The following KIAA1586 variants were observed in gnomAD, a reference collection of about 807,000 sequenced individuals.
KIAA1586 encodes the protein KIAA1586, also known as E3 SUMO-protein ligase KIAA1586.
KIAA1586 carries 5 observed loss-of-function variants against 6.1 expected under a neutral mutation model. The observed-to-expected ratio is 0.82, with a 90% CI of 0.43 to 1.73. KIAA1586 has a LOEUF of 1.73. Among genes scored for constraint, KIAA1586 ranks in the 40% most tolerant of loss-of-function variants. KIAA1586 has a pLI of 0.02. For synonymous variants in KIAA1586, 280 were observed against 301.7 expected (o/e 0.93, Z 0.75); for missense variants, 899 against 878.2 (o/e 1.02, Z -0.30).
In KIAA1586 at chr6:57,053,410, T is replaced by G. The variant is rs1562570930; in HGVS notation, c.911T>G (p.Phe304Cys). 1.2e-6 allele frequency: 2 copies of G among 1,608,394 alleles called. No individual in the cohort carries two copies. Among genetic ancestry groups the G allele is most frequent in the Non-Finnish European group, 1.7e-6 (2 of 1,177,406 alleles). ...HIAKEMKMKI[F>C]KNIIEENAKI... ...GCAAAAGAAATGAAGATGAAGATAT[T>G]TAAGAATATTATAGAAGAGAATGCC... Residue 304 changes from phenylalanine to cysteine, a missense_variant, in exon 4 of 4, where the codon TTT (phenylalanine) becomes TGT (cysteine). Coordinates refer to ENST00000370733, the MANE Select transcript of KIAA1586 (RefSeq NM_020931.4).
chr6:57,056,603 A>C (rs1828502426), downstream of KIAA1586, among the ~76,000 whole-genome samples: 1 of 149,072 alleles, frequency 6.7e-6, no homozygotes, highest in Admixed American at 6.7e-5. Flanking sequence ...GCTGGACTGC[A>C]GTGGCTCACT....
At chr6:57,049,614 A>G (rs1828270804) in intron 2 of KIAA1586, among the ~76,000 whole-genome samples, 1 of 152,210 alleles carries the variant, frequency 6.6e-6, no homozygotes, top group Non-Finnish European at 1.5e-5. Flanking sequence ...ATTGAAATAT[A>G]GTACCTATAC....
rs769016918 is a variant in KIAA1586, at chr6:57,054,278, TAAAA to T, written c.1781_1784del (p.Lys594ThrfsTer13). On this transcript the variant is annotated frameshift_variant, in exon 4 of 4. Coordinates refer to ENST00000370733, the MANE Select transcript of KIAA1586 (RefSeq NM_020931.4). LOFTEE classifies it low-confidence loss of function (END_TRUNC). ...ATAAGTTTAAAGATATTCCATTTAA[TAAAA>T]ACAATAAATTTAATGCTCTTCCTAG... 2 of 1,580,632 alleles carry T rather than the reference TAAAA, an allele frequency of 1.3e-6. No homozygotes were observed. The highest frequency in any genetic ancestry group is 2.7e-5 in the African/African-American group (2 of 72,774).
chr6:57,058,687 C>A (rs867398116), downstream of KIAA1586, among the ~76,000 whole-genome samples: 54 of 152,190 alleles, frequency 3.5e-4, no homozygotes, highest in Non-Finnish European at 2.6e-4. Flanking sequence ...ATCAAAACTT[C>A]TAAAAATAAA....
intron 2 of KIAA1586, among the ~76,000 whole-genome samples, chr6:57,047,787 T>C (rs954334244): frequency 6.5e-5 from 4 of 61,666 alleles, no homozygotes; most frequent in Non-Finnish European, 1.3e-4. Flanking sequence ...CTTAGCGTTA[T>C]GGTGCTTCTA....
Position 57,054,791 on chromosome 6 carries a change from A to G in KIAA1586, c.2292A>G (p.Thr764=). 1 of 1,551,382 alleles carries G rather than the reference A, an allele frequency of 6.4e-7. No individual in the cohort carries two copies. Among genetic ancestry groups the G allele is most frequent in the Admixed American group, 2.0e-5 (1 of 50,996 alleles). Reference sequence around the variant, plus strand: ...CAAATTGCAACCACAGGTTGGCTACAGATACAAGAGTTCGGCAAAAGTCAA... The same window carrying G: ...CAAATTGCAACCACAGGTTGGCTACGGATACAAGAGTTCGGCAAAAGTCAA... ...SWSNCNHRLA[T]DTRVRQKSTK... The change falls in exon 4 of 4, where the codon ACA becomes ACG. Residue 764 remains threonine, a synonymous_variant. Transcript: ENST00000370733.
intron 3 of KIAA1586, among the ~76,000 whole-genome samples, chr6:57,051,683 C>T (rs1828328716): frequency 6.6e-6 from 1 of 152,100 alleles, no homozygotes; most frequent in South Asian, 2.1e-4. Context: ...CCTGTAATCC[C>T]AGCACTTTGG....
chr6:57,048,379 C>T (rs182438166), intron 2 of KIAA1586, among the ~76,000 whole-genome samples: 1 of 152,256 alleles, frequency 6.6e-6, no homozygotes, highest in East Asian at 1.9e-4. Flanking sequence ...AAAATTTCCT[C>T]CCTAAACATT....
At chr6:57,055,577 G>A (rs1049922365), downstream of KIAA1586, among the ~76,000 whole-genome samples, 3 of 152,054 alleles carry the variant, frequency 2.0e-5, no homozygotes, top group African/African-American at 7.2e-5. Context: ...GTAACATCAT[G>A]TTTATCTGAA....
chr6:57,050,000 CT>C (rs998221855), intron 2 of KIAA1586, among the ~76,000 whole-genome samples: 10 of 147,412 alleles, frequency 6.8e-5, no homozygotes, highest in African/African-American at 9.9e-5. Context: ...AATCTGTTAT[CT>C]TTTTTTTTTA....
At chr6:57,059,227 T>C (rs946885346), downstream of KIAA1586, among the ~76,000 whole-genome samples, 5 of 152,096 alleles carry the variant, frequency 3.3e-5, no homozygotes, top group African/African-American at 9.7e-5. Context: ...ATTGATAATA[T>C]GTTATAAATT....
chr6:57,064,645 G>A, the KIAA1586 span, among the ~76,000 whole-genome samples: 1 of 152,174 alleles, frequency 6.6e-6, no homozygotes, highest in African/African-American at 2.4e-5. Flanking sequence ...CCAGCAGTTT[G>A]CAGGTGGATT....
At chr6:57,052,040 C>T (rs1393304509) in intron 3 of KIAA1586, among the ~76,000 whole-genome samples, 2 of 152,044 alleles carry the variant, frequency 1.3e-5, no homozygotes, top group African/African-American at 2.4e-5. Context: ...GATGAATGAG[C>T]GAAACTCTAA....
downstream of KIAA1586, among the ~76,000 whole-genome samples, chr6:57,058,734 G>A (rs1413930704): frequency 2.0e-5 from 3 of 152,022 alleles, no homozygotes; most frequent in Non-Finnish European, 2.9e-5. Flanking sequence ...TTTCTAACAC[G>A]AGTCAGTATG....
downstream of KIAA1586, among the ~76,000 whole-genome samples, chr6:57,059,359 G>T (rs1431437917): frequency 1.3e-5 from 2 of 152,048 alleles, no homozygotes; most frequent in African/African-American, 4.8e-5. Flanking sequence ...TTGGGAGGCC[G>T]AGGTGGGCGG....
rs911583022 is a variant in KIAA1586 at position 57,046,766 on chromosome 6, C to G, written c.11C>G (p.Pro4Arg). ...GCGGCCGTCGGAGACATGGGAGACCCGGGGTCGGAAGTGAGTAGTCGAGTG... is the reference window on the plus strand; with the variant it reads ...GCGGCCGTCGGAGACATGGGAGACCGGGGGTCGGAAGTGAGTAGTCGAGTG... MGD[P>R]GSEIIESVPP... Residue 4 changes from proline (P) to arginine (R), a missense_variant, in exon 1 of 4, where the codon CCG becomes CGG. By Grantham distance (103) the Pro-to-Arg change is moderately radical. Coordinates refer to ENST00000370733, the MANE Select transcript of KIAA1586 (RefSeq NM_020931.4). 8 of 1,612,174 alleles carry G rather than the reference C, an allele frequency of 5.0e-6. No individual in the cohort carries two copies. The highest frequency in any genetic ancestry group is 6.8e-6 in the Non-Finnish European group (8 of 1,179,466).
chr6:57,049,350 G>A (rs1482540048), intron 2 of KIAA1586, among the ~76,000 whole-genome samples: 1 of 152,052 alleles, frequency 6.6e-6, no homozygotes, highest in Non-Finnish European at 1.5e-5. Context: ...CAATGCTGCT[G>A]GGTATAGTTC....
chr6:57,049,313 T>G (rs1036575807), intron 2 of KIAA1586, among the ~76,000 whole-genome samples: 1 of 152,180 alleles, frequency 6.6e-6, no homozygotes, highest in Non-Finnish European at 1.5e-5. Context: ...TTCTCTGTGT[T>G]TTTTATAGTA....
chr6:57,053,532 G>T lies in KIAA1586; in HGVS notation c.1033G>T (p.Val345Phe), dbSNP rs755618307. Residue 345 changes from valine (V) to phenylalanine (F), a missense_variant, in exon 4 of 4, where the codon GTT becomes TTT. Transcript: ENST00000370733. The stretch of plus-strand genomic sequence containing the variant: ...CACAATTCAGTCAGCTCCTGCACCT[G>T]TTATGTTATTTGTGGCTTTAAAAGA... ...QCTIQSAPAP[V>F]MLFVALKELV... is the part of the protein sequence containing the mutation. 6.2e-7 allele frequency: 1 copy of T among 1,613,504 alleles called. No individual in the cohort carries two copies.
Sources: gnomAD v4.1 joint callset for allele counts (sites outside exome capture counted in the v4.1 genomes callset) on GRCh38, gnomAD v4.1.1 for gene constraint, MANE v1.5 for transcripts, NCBI Gene and HGNC (gene_info 2026-07-23, HGNC 2026-07-21) for gene names.